Variants in KIF1A observed in about 807,000 individuals in gnomAD.
KIF1A encodes kinesin family member 1A.
KIF1A carries 46 observed loss-of-function variants against 227.3 expected under a neutral mutation model. The ratio of observed to expected loss-of-function variants is 0.20; its 90% CI spans 0.16 to 0.26. The LOEUF (loss-of-function observed/expected upper bound fraction) is 0.26, where lower values mean the gene tolerates loss of function less well. Ranked by LOEUF, KIF1A falls within the 10% of genes least tolerant of loss-of-function variation. The pLI, the probability that KIF1A is intolerant of heterozygous loss-of-function variation, is 1.00. For missense variants in KIF1A, 1,683 were observed against 2,485.9 expected (o/e 0.68, Z 6.87); for synonymous variants, 1,022 against 1,012.8 (o/e 1.01, Z -0.17).
intron 12 of KIF1A, among the ~76,000 whole-genome samples, chr2:240,773,615 G>C (rs768661256): frequency 6.6e-6 from 1 of 152,166 alleles, no homozygotes; most frequent in African/African-American, 2.4e-5. Context: ...ATCTATGTGT[G>C]CATAGGCTTG....
chr2:240,734,659 C>A, intron 38 of KIF1A: 1 of 1,253,224 alleles, frequency 8.0e-7, no homozygotes, highest in Non-Finnish European at 1.1e-6. Context: ...AGGGGAGGAG[C>A]AGGGAGGAAA....
rs760599118 is a variant in KIF1A at position 240,769,126 on chromosome 2, C to G, written c.1497+7G>C. 1 of 1,606,026 alleles carries G rather than the reference C, an allele frequency of 6.2e-7. No individual in the cohort carries two copies. Among genetic ancestry groups the G allele is most frequent in the Non-Finnish European group, 8.5e-7 (1 of 1,176,340 alleles). On this transcript the variant is annotated splice_region_variant and intron_variant, in intron 17 of 48. Coordinates refer to ENST00000498729, the MANE Select transcript of KIF1A (RefSeq NM_001244008.2). ...GGGCAGTACCACAGAACTGAGATAG[C>G]TCCTACCTTTTTGGGAGAGAATACG...
At chr2:240,738,411 A>T (rs553093901) in intron 37 of KIF1A, among the ~76,000 whole-genome samples, 17 of 152,270 alleles carry the variant, frequency 1.1e-4, no homozygotes, top group African/African-American at 3.9e-4. Flanking sequence ...CCCTGTGCCC[A>T]GTCCTGTCCA....
intron 8 of KIF1A, 127 bp downstream of exon 8, chr2:240,783,612 C>A (rs1483741838): frequency 4.3e-6 from 3 of 691,048 alleles, no homozygotes; most frequent in Admixed American, 5.5e-5. Context: ...CCTATGCCCA[C>A]CCTCCCTATG....
At position 240,745,430 on chromosome 2, in the gene KIF1A, C is replaced by T. The variant is rs1448785666; in HGVS notation, c.3462G>A (p.Gln1154=). 1.2e-6 allele frequency: 2 copies of T among 1,611,810 alleles called. No homozygotes were observed. The highest frequency in any genetic ancestry group is 2.7e-5 in the African/African-American group (2 of 74,882). The change falls in exon 32 of 49, where the codon CAG becomes CAA. Residue 1154 remains glutamine (Q), a synonymous_variant. Transcript: ENST00000498729. Reference sequence around the variant, plus strand: ...GGAGAAGTGCCCAGGAACGTACGTTCTGGACGTGGTAGAAGCCAAGTGGGG... The same window carrying T: ...GGAGAAGTGCCCAGGAACGTACGTTTTGGACGTGGTAGAAGCCAAGTGGGG... ...RGPPLGFYHV[Q]NIAVEVTKSF... is the part of the protein sequence containing the mutation.
chr2:240,744,910 C>G (rs1046654482), intron 32 of KIF1A, among the ~76,000 whole-genome samples: 2 of 152,212 alleles, frequency 1.3e-5, no homozygotes, highest in African/African-American at 4.8e-5. Context: ...ACTCTTTCCC[C>G]TGCTGCCCCA....
chr2:240,776,042 C>A (rs188541091), intron 10 of KIF1A, 116 bp from the exon 11 acceptor site: 2 of 743,142 alleles, frequency 2.7e-6, no homozygotes, highest in Non-Finnish European at 4.8e-6. Context: ...GGGCAAGGGG[C>A]GGGGCCCGCT....
In KIF1A at chr2:240,772,583, A is replaced by T. The variant is rs2052152549; in HGVS notation, c.1194T>A (p.Pro398=). The change falls in exon 14 of 49, where the codon CCT becomes CCA. Residue 398 remains proline, a synonymous_variant. Coordinates refer to ENST00000498729, the MANE Select transcript of KIF1A (RefSeq NM_001244008.2). ...GGGAATACACACATTTGGGTCCTCC[A>T]GGCACAGTGTTGGCTATGGGGGAGG... is the stretch of plus-strand genomic sequence containing the variant. ...LGDITDTNTV[P]GGPKLTNALV... 6.5e-7 allele frequency: 1 copy of T among 1,545,602 alleles called. No homozygotes were observed. The highest frequency in any genetic ancestry group is 1.2e-5 in the South Asian group (1 of 83,906).
At chr2:240,798,698 C>T (rs988602202) in intron 1 of KIF1A, among the ~76,000 whole-genome samples, 4 of 152,352 alleles carry the variant, frequency 2.6e-5, no homozygotes, top group South Asian at 2.1e-4. Flanking sequence ...AAGGTCTTTC[C>T]GGGCTGACCA....
chr2:240,786,257 A>G, intron 6 of KIF1A, 78 bp downstream of exon 6: 1 of 1,413,074 alleles, frequency 7.1e-7, no homozygotes, highest in Non-Finnish European at 1.0e-6. Context: ...AAGGGCCAGG[A>G]CCGAGGTGAA....
rs762216754 is a variant in KIF1A at position 240,793,391 on chromosome 2, G to A, written c.107-4079C>T. 2.6e-5 allele frequency among the ~76,000 whole-genome samples: 4 copies of A among 152,212 alleles called. No homozygotes were observed. Among genetic ancestry groups the A allele is most frequent in the African/African-American group, 7.2e-5 (3 of 41,448 alleles). On this transcript the variant is annotated intron_variant, in intron 2 of 48. Coordinates refer to ENST00000498729, the MANE Select transcript of KIF1A (RefSeq NM_001244008.2). This position sits in a 1 kb window ranked among gnomAD's most constrained non-coding sequence, Gnocchi z 4.8. ...TGCCCTCTAGCCAGTGTCACACAGC[G>A]AGTAAGTCATGAGCACAGCCAGGCC... is the stretch of plus-strand genomic sequence containing the variant.
chr2:240,763,884 G>T (rs1050070871), intron 20 of KIF1A, among the ~76,000 whole-genome samples: 1 of 152,158 alleles, frequency 6.6e-6, no homozygotes, highest in Non-Finnish European at 1.5e-5. Flanking sequence ...AAGCAGGGAC[G>T]GCCACTAGCA....
chr2:240,774,157 A>G (rs2052413464), intron 12 of KIF1A, 26 bp downstream of exon 12: 2 of 1,473,840 alleles, frequency 1.4e-6, no homozygotes, highest in Non-Finnish European at 9.4e-7. Flanking sequence ...AGCGGGAAGC[A>G]GAGCTTGTCT....
Position 240,766,841 on chromosome 2 carries a change from G to C in KIF1A, c.1684+74C>G. The C allele has an allele frequency of 4.9e-6, 5 of 1,021,106 alleles. No individual in the cohort carries two copies. The highest frequency in any genetic ancestry group is 2.1e-5 in the Admixed American group (1 of 48,308). The allele number at this position is 1,021,106 out of a possible 1,614,324, so 63.3% of individuals were successfully genotyped here. A position where few individuals can be genotyped will look rare whatever the true frequency, so the allele number is the denominator to read the frequency against. ...ACTTAGTGCTGGGTAAGCTGGGAGAGGGTGACCTCATTCAGGCCTGATCAT... is the reference window on the plus strand; with the variant it reads ...ACTTAGTGCTGGGTAAGCTGGGAGACGGTGACCTCATTCAGGCCTGATCAT... On this transcript the variant is annotated intron_variant, in intron 19 of 48. Transcript: ENST00000498729. This position sits in a 1 kb window ranked among gnomAD's most constrained non-coding sequence, Gnocchi z 5.0.
Position 240,797,789 on chromosome 2 carries a change from G to A in KIF1A, c.-37C>T, listed in dbSNP as rs772935774. On this transcript the variant is annotated 5_prime_UTR_variant, in exon 2 of 49. Coordinates refer to ENST00000498729, the MANE Select transcript of KIF1A (RefSeq NM_001244008.2). ...TCGTGGGTCACTCCTCGCAGTAGTG[G>A]GAGCCCCAGTGTGGGGGGAACACCT... is the stretch of plus-strand genomic sequence containing the variant. The A allele has an allele frequency of 7.3e-7, 1 of 1,365,018 alleles. No homozygotes were observed. Among genetic ancestry groups the A allele is most frequent in the South Asian group, 1.2e-5 (1 of 83,030 alleles). 84.6% of individuals were successfully genotyped at this position (1,365,018 alleles called of 1,614,324 possible). A position where few individuals can be genotyped will look rare whatever the true frequency, so the allele number is the denominator to read the frequency against.
chr2:240,746,928 G>T (rs73102627), intron 29 of KIF1A, among the ~76,000 whole-genome samples: 5,865 of 152,292 alleles, frequency 0.039, 139 homozygotes, highest in Non-Finnish European at 0.055. Context: ...GGGAGACAGG[G>T]TGGGGGTGGC....
At chr2:240,733,027 A>T (rs1397639300) in intron 38 of KIF1A, among the ~76,000 whole-genome samples, 3 of 50,190 alleles carry the variant, frequency 6.0e-5, no homozygotes, top group African/African-American at 2.6e-4. Context: ...TGAGGGAGGG[A>T]TGAGGGGGAA....
chr2:240,732,124 G>GAA (rs747461848), intron 38 of KIF1A, among the ~76,000 whole-genome samples: 1 of 24,980 alleles, frequency 4.0e-5, no homozygotes, highest in African/African-American at 2.2e-4. Context: ...AGGGATGAGG[G>GAA]GAGGGGAGGA....
chr2:240,784,576 C>T (rs145467807), intron 7 of KIF1A, among the ~76,000 whole-genome samples: 25 of 152,342 alleles, frequency 1.6e-4, no homozygotes, highest in African/African-American at 4.1e-4. Context: ...AGCCCCTTTG[C>T]GCTCCCCACA....
Sources: allele counts gnomAD v4.1 joint callset (sites outside exome capture counted in the v4.1 genomes callset), GRCh38; gene constraint gnomAD v4.1.1; non-coding constraint Gnocchi (gnomAD v3.1); transcripts MANE v1.5; gene names NCBI Gene and HGNC (gene_info 2026-07-23, HGNC 2026-07-21).